Variants in ATRNL1 observed in about 807,000 individuals in gnomAD.
The protein encoded by ATRNL1 is attractin-like protein 1.
In ATRNL1, 95 loss-of-function variants were observed where a neutral mutation model predicts 182.7. The observed-to-expected ratio is 0.52, with a 90% confidence interval of 0.44 to 0.62. ATRNL1 has a LOEUF of 0.62. Among genes scored for constraint, ATRNL1 ranks in the 20% least tolerant of loss-of-function variants. ATRNL1 has a pLI of 0.00. For synonymous variants in ATRNL1, 576 were observed against 568.3 expected (o/e 1.01, Z -0.19); for missense variants, 1,471 against 1,679.5 (o/e 0.88, Z 2.17).
At chr10:115,461,720 A>G (rs1466899454) in intron 21 of ATRNL1, among the ~76,000 whole-genome samples, 3 of 152,184 alleles carry the variant, frequency 2.0e-5, no homozygotes, top group Non-Finnish European at 4.4e-5. Flanking sequence ...CATCAGAAAT[A>G]ATAAATAAAA....
chr10:115,287,486 AGTTAATATTGAAACT>A (rs2133941380), intron 15 of ATRNL1, among the ~76,000 whole-genome samples: 1 of 92,978 alleles, frequency 1.1e-5, no homozygotes, highest in African/African-American at 3.4e-5. Context: ...TCTGGTAAAT[AGTTAATATTGAAACT>A]GATTGTGGAA....
intron 27 of ATRNL1, among the ~76,000 whole-genome samples, chr10:115,826,265 G>A (rs1445529970): frequency 6.6e-6 from 1 of 152,032 alleles, no homozygotes; most frequent in South Asian, 2.1e-4. Context: ...GGCACCCTCT[G>A]TCACAGCTTT....
chr10:115,702,369 T>C (rs2133997869), intron 26 of ATRNL1, among the ~76,000 whole-genome samples: 1 of 152,138 alleles, frequency 6.6e-6, no homozygotes, highest in Non-Finnish European at 1.5e-5. Context: ...AAGACAAGGA[T>C]GCTCACTTTC....
At chr10:115,701,053 G>A (rs1359521168) in intron 26 of ATRNL1, among the ~76,000 whole-genome samples, 1 of 151,834 alleles carries the variant, frequency 6.6e-6, no homozygotes, top group Admixed American at 6.6e-5. Context: ...CCCCATGCTT[G>A]GTCATAAAAC....
At chr10:115,734,334 T>G (rs1303701954) in intron 27 of ATRNL1, among the ~76,000 whole-genome samples, 2 of 152,148 alleles carry the variant, frequency 1.3e-5, no homozygotes, top group East Asian at 3.8e-4. Flanking sequence ...CAAAAATGAT[T>G]GTTGGTGTTT....
intron 24 of ATRNL1, among the ~76,000 whole-genome samples, chr10:115,491,639 C>T (rs1849305966): frequency 1.3e-5 from 2 of 152,182 alleles, no homozygotes; most frequent in Admixed American, 1.3e-4. Context: ...GACTGCTGTG[C>T]TGGCAGCGAG....
At chr10:115,832,267 C>T (rs183440423) in intron 27 of ATRNL1, among the ~76,000 whole-genome samples, 523 of 152,298 alleles carry the variant, frequency 3.4e-3, no homozygotes, top group Non-Finnish European at 5.5e-3. Context: ...ACCATTCACT[C>T]GTGCTGTTGA....
At chr10:115,270,417 AT>A (rs1851809349) in intron 13 of ATRNL1, among the ~76,000 whole-genome samples, 10 of 106,724 alleles carry the variant, frequency 9.4e-5, no homozygotes, top group Non-Finnish European at 1.8e-4. Flanking sequence ...TAAATATAAT[AT>A]ATATTTGTTT....
chr10:115,319,241 G>A (rs147329841), intron 18 of ATRNL1, among the ~76,000 whole-genome samples: 2 of 152,128 alleles, frequency 1.3e-5, no homozygotes, highest in Non-Finnish European at 2.9e-5. Flanking sequence ...TGATTGCCCT[G>A]TTGTCTGAGA....
intron 26 of ATRNL1, among the ~76,000 whole-genome samples, chr10:115,662,249 G>A (rs1393815181): frequency 6.6e-6 from 1 of 152,058 alleles, no homozygotes. Flanking sequence ...ATGTGTGCAT[G>A]TGTCTTTATA....
intron 27 of ATRNL1, among the ~76,000 whole-genome samples, chr10:115,738,425 C>A (rs1424789979): frequency 6.6e-6 from 1 of 151,956 alleles, no homozygotes; most frequent in East Asian, 1.9e-4. Context: ...CAGGCATGAG[C>A]TGCCATGCCC....
chr10:115,149,615 A>C lies in ATRNL1; in HGVS notation c.830-10425A>C, dbSNP rs151068545. ...GATGATAATATGGTTTTTGTTCTTCATGTTGCTGATATGATAGATCACATT... is the reference window on the plus strand; with the variant it reads ...GATGATAATATGGTTTTTGTTCTTCCTGTTGCTGATATGATAGATCACATT... On this transcript the variant is annotated intron_variant, in intron 5 of 28. Transcript: ENST00000355044. Among the ~76,000 whole-genome samples the C allele has an allele frequency of 2.0e-5, 3 of 152,098 alleles. No homozygotes were observed. In the East Asian group the frequency reaches 5.8e-4, roughly 29 times the overall value.
At chr10:115,368,233 C>T (rs1438846425) in intron 19 of ATRNL1, among the ~76,000 whole-genome samples, 4 of 152,184 alleles carry the variant, frequency 2.6e-5, no homozygotes, top group Non-Finnish European at 4.4e-5. Context: ...CGCGGTGCGC[C>T]GTTTTTTAAG....
chr10:115,710,355 T>C (rs1947026974), intron 26 of ATRNL1, among the ~76,000 whole-genome samples: 1 of 152,138 alleles, frequency 6.6e-6, no homozygotes, highest in Non-Finnish European at 1.5e-5. Flanking sequence ...GTGGCTGCAA[T>C]GAGTACTGCA....
chr10:115,833,408 T>C (rs1950601214), intron 27 of ATRNL1, among the ~76,000 whole-genome samples: 1 of 152,178 alleles, frequency 6.6e-6, no homozygotes, highest in Admixed American at 6.6e-5. Flanking sequence ...TGCAAGAGTT[T>C]CCTCAAAGGC....
intron 25 of ATRNL1, among the ~76,000 whole-genome samples, chr10:115,533,910 G>A (rs1199716831): frequency 1.3e-5 from 2 of 149,326 alleles, no homozygotes; most frequent in Admixed American, 6.7e-5. Context: ...GTAGTTGAGC[G>A]GTTTTGAGTG....
intron 19 of ATRNL1, among the ~76,000 whole-genome samples, chr10:115,358,799 C>G (rs1856613403): frequency 6.6e-6 from 1 of 151,508 alleles, no homozygotes; most frequent in Admixed American, 6.6e-5. Flanking sequence ...CTCTCACATG[C>G]AACTAGTGGC....
intron 27 of ATRNL1, among the ~76,000 whole-genome samples, chr10:115,751,287 A>G (rs1348354596): frequency 6.6e-6 from 1 of 152,098 alleles, no homozygotes; most frequent in Non-Finnish European, 1.5e-5. Context: ...TGAAAGGAAT[A>G]CAAATCTGCT....
chr10:115,149,698 A>G (rs1181642198), intron 5 of ATRNL1, among the ~76,000 whole-genome samples: 4 of 151,946 alleles, frequency 2.6e-5, no homozygotes, highest in East Asian at 1.9e-4. Context: ...TCACTTGATC[A>G]TGGTTTATTA....
Sources: gnomAD v4.1 joint callset for allele counts (sites outside exome capture counted in the v4.1 genomes callset) on GRCh38, gnomAD v4.1.1 for gene constraint, MANE v1.5 for transcripts, NCBI Gene and HGNC (gene_info 2026-07-23, HGNC 2026-07-21) for gene names.